GALNTL6: variants seen among roughly 807,000 people sequenced by gnomAD.
GALNTL6 encodes polypeptide N-acetylgalactosaminyltransferase-like 6.
A neutral mutation model predicts 73.7 loss-of-function variants in GALNTL6; 46 were observed. The ratio of observed to expected loss-of-function variants is 0.62; its 90% confidence interval spans 0.49 to 0.80. The LOEUF is 0.80. Ranked by LOEUF, GALNTL6 falls within the 30% of genes least tolerant of loss-of-function variation. GALNTL6 has a pLI of 0.00. For missense variants in GALNTL6, 604 were observed against 755.0 expected, an observed-to-expected ratio of 0.80 and a Z score of 2.34; for synonymous variants, 259 against 263.7, an observed-to-expected ratio of 0.98 and a Z score of 0.17.
chr4:172,407,525 G>C (rs1451810908), intron 5 of GALNTL6, among the ~76,000 whole-genome samples: 1 of 151,988 alleles, frequency 6.6e-6, no homozygotes, highest in Admixed American at 6.6e-5. Context: ...ATGCTTCACT[G>C]TTTTGATTTG....
chr4:171,940,083 A>C (rs1404809148), intron 2 of GALNTL6, among the ~76,000 whole-genome samples: 1 of 152,154 alleles, frequency 6.6e-6, no homozygotes, highest in Non-Finnish European at 1.5e-5. Context: ...TCTATAAAAT[A>C]GAGTTGATTT....
intron 10 of GALNTL6, among the ~76,000 whole-genome samples, chr4:172,955,646 T>G (rs1579704003): frequency 6.6e-6 from 1 of 152,306 alleles, no homozygotes; most frequent in Non-Finnish European, 1.5e-5. Context: ...AATGTTAACA[T>G]TTTATATTTA....
intron 2 of GALNTL6, among the ~76,000 whole-genome samples, chr4:172,047,282 A>G (rs1579086656): frequency 6.6e-6 from 1 of 152,292 alleles, no homozygotes; most frequent in African/African-American, 2.4e-5. Context: ...TAGTTGAAAC[A>G]GACAACACCA....
At chr4:172,142,711 T>TTAGAATTTCTAGAATTC in intron 2 of GALNTL6, among the ~76,000 whole-genome samples, 1 of 151,956 alleles carries the variant, frequency 6.6e-6, no homozygotes, top group Non-Finnish European at 1.5e-5. Context: ...TCTGCCTGTC[T>TTAGAATTTCTAGAATTC]TAGAATTTCT....
chr4:172,612,608 A>G (rs1414483149), intron 5 of GALNTL6, among the ~76,000 whole-genome samples: 3 of 152,074 alleles, frequency 2.0e-5, no homozygotes, highest in African/African-American at 7.2e-5. Flanking sequence ...TTTCAGCCCT[A>G]TGAGAGATGA....
intron 5 of GALNTL6, among the ~76,000 whole-genome samples, chr4:172,371,413 T>C (rs528166182): frequency 7.9e-5 from 12 of 152,258 alleles, no homozygotes; most frequent in Non-Finnish European, 1.3e-4. Context: ...AACAAGGTGG[T>C]ATTGTAGTGT....
At chr4:172,217,624 T>G (rs2110940461) in intron 2 of GALNTL6, among the ~76,000 whole-genome samples, 1 of 152,336 alleles carries the variant, frequency 6.6e-6, no homozygotes, top group East Asian at 1.9e-4. Flanking sequence ...TAATTCATTC[T>G]TAAACTTCCC....
intron 5 of GALNTL6, among the ~76,000 whole-genome samples, chr4:172,640,282 G>C (rs1739911495): frequency 6.6e-6 from 1 of 152,022 alleles, no homozygotes; most frequent in Non-Finnish European, 1.5e-5. Context: ...ACTACCAAAG[G>C]AAACATTCTG....
At chr4:172,219,058 C>T (rs1404576279) in intron 2 of GALNTL6, among the ~76,000 whole-genome samples, 1 of 150,168 alleles carries the variant, frequency 6.7e-6, no homozygotes, top group East Asian at 1.9e-4. Context: ...TATTTTAACT[C>T]CTGAAAGAAT....
At chr4:172,990,745 A>G (rs770625877) in intron 10 of GALNTL6, among the ~76,000 whole-genome samples, 1 of 152,216 alleles carries the variant, frequency 6.6e-6, no homozygotes, top group Non-Finnish European at 1.5e-5. Flanking sequence ...GACAAAATCA[A>G]CAAGGAAATC....
chr4:172,935,119 C>T (rs949204734), intron 9 of GALNTL6, among the ~76,000 whole-genome samples: 1 of 152,192 alleles, frequency 6.6e-6, no homozygotes, highest in African/African-American at 2.4e-5. Flanking sequence ...TTCATGGGAA[C>T]AACTTGGCCC....
chr4:172,142,081 T>A (rs1315660776), intron 2 of GALNTL6, among the ~76,000 whole-genome samples: 2 of 152,052 alleles, frequency 1.3e-5, no homozygotes, highest in African/African-American at 2.4e-5. Context: ...AAAGATGGAT[T>A]TTCTTATGGT....
intron 3 of GALNTL6, among the ~76,000 whole-genome samples, chr4:172,246,781 A>T (rs1737675046): frequency 6.7e-6 from 1 of 149,770 alleles, no homozygotes. Context: ...TTTAAGTTAC[A>T]TATATATGAA....
In GALNTL6 at chr4:172,809,542, C is replaced by A. The variant is rs1364538967; in HGVS notation, c.735C>A (p.Leu245=). ...TCAATGTGAACTGGCTGCCCCCACT[C>A]CTCAGTGAGTACAGGTTGCTAAGCA... is the stretch of plus-strand genomic sequence containing the variant. The part of the protein sequence containing the change: ...CEVNVNWLPP[L]LNQIALNHKT... Residue 245 remains leucine (L), a synonymous_variant, in exon 6 of 13, where the codon CTC becomes CTA. Coordinates refer to ENST00000506823, the MANE Select transcript of GALNTL6 (RefSeq NM_001034845.3). The surrounding 1 kb of genome is among the most constrained non-coding windows in gnomAD (Gnocchi z 4.4). 6.2e-7 allele frequency: 1 copy of A among 1,611,152 alleles called. No individual in the cohort carries two copies. The highest frequency in any genetic ancestry group is 8.5e-7 in the Non-Finnish European group (1 of 1,178,530).
At chr4:171,842,708 C>T (rs372489447) in intron 2 of GALNTL6, among the ~76,000 whole-genome samples, 6 of 152,212 alleles carry the variant, frequency 3.9e-5, no homozygotes, top group African/African-American at 9.6e-5. Context: ...TGAGAACTCA[C>T]TTAGCACCAA....
intron 2 of GALNTL6, among the ~76,000 whole-genome samples, chr4:172,130,237 T>C (rs1303468311): frequency 6.7e-6 from 1 of 149,864 alleles, no homozygotes; most frequent in Non-Finnish European, 1.5e-5. Flanking sequence ...TCCAAGGTTG[T>C]GGTTTCCAGG....
intron 10 of GALNTL6, among the ~76,000 whole-genome samples, chr4:172,964,508 C>G (rs1381478139): frequency 1.3e-5 from 2 of 152,176 alleles, no homozygotes; most frequent in Non-Finnish European, 2.9e-5. Context: ...AAATTCATGT[C>G]AATACCGAAC....
At chr4:172,306,283 GGAGGCT>G (rs1740135010) in intron 3 of GALNTL6, among the ~76,000 whole-genome samples, 1 of 152,036 alleles carries the variant, frequency 6.6e-6, no homozygotes, top group Non-Finnish European at 1.5e-5. Context: ...CAGCTACTCG[GGAGGCT>G]GAGGCAGGAG....
At chr4:172,458,075 A>G (rs1343670856) in intron 5 of GALNTL6, among the ~76,000 whole-genome samples, 1 of 152,070 alleles carries the variant, frequency 6.6e-6, no homozygotes, top group Non-Finnish European at 1.5e-5. Flanking sequence ...CTCACTCAAA[A>G]CCACACAACC....
Sources: gnomAD v4.1 joint callset for allele counts (sites outside exome capture counted in the v4.1 genomes callset) on GRCh38, gnomAD v4.1.1 for gene constraint, Gnocchi (gnomAD v3.1) non-coding constraint, MANE v1.5 for transcripts, NCBI Gene and HGNC (gene_info 2026-07-23, HGNC 2026-07-21) for gene names.